CRB1: variants seen among roughly 807,000 people sequenced by gnomAD.
CRB1 encodes crumbs cell polarity complex component 1.
CRB1 carries 83 observed loss-of-function variants against 120.0 expected under a neutral mutation model. The ratio of observed to expected loss-of-function variants is 0.69; its 90% CI spans 0.58 to 0.83. The LOEUF is 0.83. Among genes scored for constraint, CRB1 ranks in the 40% least tolerant of loss-of-function variants. The probability of loss-of-function intolerance (pLI) is 0.00; values close to 1 mark genes in which losing one functional copy is unlikely to be tolerated. For missense variants in CRB1, 1,699 were observed against 1,687.6 expected, an observed-to-expected ratio of 1.01 and a Z score of -0.12; for synonymous variants, 625 against 612.5, an observed-to-expected ratio of 1.02 and a Z score of -0.30.
chr1:197,344,222 A>G (rs1312004513), intron 2 of CRB1, 59 bp from the exon 3 acceptor site: 3 of 1,525,580 alleles, frequency 2.0e-6, no homozygotes, highest in Admixed American at 1.7e-5. Context: ...TCAAATTGCT[A>G]AATTATGAAC....
chr1:197,338,536 T>A (rs1433673667), intron 2 of CRB1, among the ~76,000 whole-genome samples: 1 of 152,156 alleles, frequency 6.6e-6, no homozygotes, highest in East Asian at 1.9e-4. Flanking sequence ...TCAGCCTCCA[T>A]GATATTCTGG....
the CRB1 span, among the ~76,000 whole-genome samples, chr1:197,220,332 A>G: frequency 6.6e-6 from 1 of 152,252 alleles, no homozygotes; most frequent in Non-Finnish European, 1.5e-5. Context: ...AAACAAGTAA[A>G]TAATGAACTT....
the CRB1 span, among the ~76,000 whole-genome samples, chr1:197,261,578 TTATG>T: frequency 6.6e-6 from 1 of 152,186 alleles, no homozygotes; most frequent in African/African-American, 2.4e-5. Flanking sequence ...TATCAATCAT[TTATG>T]TATTTATCAA....
Position 197,273,217 on chromosome 1 carries a change from C to T in CRB1, c.70+4735C>T, listed in dbSNP as rs552612362. On this transcript the variant is annotated intron_variant, in intron 1 of 11. Transcript: ENST00000367400. ...CTGGCCAGGTATTTTATAGATTCTC[C>T]CAATATTGGAGTTAGTTTTGTGTTT... 3.9e-5 allele frequency among the ~76,000 whole-genome samples: 6 copies of T among 152,064 alleles called. No homozygotes were observed. In the South Asian group the frequency reaches 1.2e-3, roughly 32 times the overall value.
Position 197,427,924 on chromosome 1 carries a change from A to T in CRB1, c.2599A>T (p.Asn867Tyr). ...LNNQNLEFFP[N>Y]PTNNASLNPV... ...CAACCAAAATCTGGAATTCTTTCCA[A>T]ATCCAACAAACAATGCATCTCTCAA... Residue 867 changes from asparagine (N) to tyrosine (Y), a missense_variant, in exon 7 of 12, where the codon AAT becomes TAT. Transcript: ENST00000367400. 6.2e-7 allele frequency: 1 copy of T among 1,614,058 alleles called. No homozygotes were observed. The highest frequency in any genetic ancestry group is 1.3e-5 in the African/African-American group (1 of 75,050).
Position 197,290,509 on chromosome 1 carries a change from C to A in CRB1, c.70+22027C>A, listed in dbSNP as rs184126497. Among the ~76,000 whole-genome samples, 10 of 151,644 alleles carry A rather than the reference C, an allele frequency of 6.6e-5. 1 individual carries two copies. The South Asian group carries it at 2.1e-3, about 32-fold the overall frequency. On this transcript the variant is annotated intron_variant, in intron 1 of 11. Transcript: ENST00000367400. Reference sequence around the variant, plus strand: ...AGCTCAGTTTCACATCCCCCCAGCTCCTTTCCATGACCATTAAAAACCAAA... The same window carrying A: ...AGCTCAGTTTCACATCCCCCCAGCTACTTTCCATGACCATTAAAAACCAAA...
intron 11 of CRB1, among the ~76,000 whole-genome samples, chr1:197,451,630 A>AT (rs1461390623): frequency 1.3e-5 from 2 of 152,206 alleles, no homozygotes; most frequent in Admixed American, 1.3e-4. Context: ...CATGTGCTTC[A>AT]TATACACTTA....
At chr1:197,246,966 A>G in the CRB1 span, among the ~76,000 whole-genome samples, 19 of 152,198 alleles carry the variant, frequency 1.2e-4, no homozygotes, top group East Asian at 3.3e-3. Context: ...CAAAACTTAG[A>G]GAAAAATGAA....
intron 5 of CRB1, among the ~76,000 whole-genome samples, chr1:197,374,778 T>C (rs1344979669): frequency 2.0e-5 from 3 of 152,220 alleles, no homozygotes; most frequent in African/African-American, 4.8e-5. Context: ...GATGTCATTG[T>C]TGACTCCATT....
intron 1 of CRB1, among the ~76,000 whole-genome samples, chr1:197,325,122 C>G (rs928246259): frequency 6.6e-6 from 1 of 152,168 alleles, no homozygotes; most frequent in African/African-American, 2.4e-5. Flanking sequence ...CATTATTCAA[C>G]AAATTTCTAT....
chr1:197,213,290 T>A, the CRB1 span, among the ~76,000 whole-genome samples: 5 of 152,332 alleles, frequency 3.3e-5, no homozygotes, highest in East Asian at 9.7e-4. Context: ...GCAGAAGAGC[T>A]ACAAAGTCTG....
chr1:197,278,747 T>C (rs1174224015), intron 1 of CRB1, among the ~76,000 whole-genome samples: 3 of 151,922 alleles, frequency 2.0e-5, no homozygotes, highest in Admixed American at 6.6e-5. Flanking sequence ...TATAAACAAA[T>C]TTCTTTAAAT....
intron 5 of CRB1, among the ~76,000 whole-genome samples, chr1:197,392,276 C>G (rs533083101): frequency 6.6e-6 from 1 of 151,780 alleles, no homozygotes; most frequent in Non-Finnish European, 1.5e-5. Flanking sequence ...CACACACACA[C>G]ATATATATAT....
At chr1:197,444,906 T>TATACAC (rs1652525512) in intron 11 of CRB1, 1 of 147,506 alleles carries the variant, frequency 6.8e-6, no homozygotes, top group Non-Finnish European at 1.5e-5. Flanking sequence ...CAGCCATGCA[T>TATACAC]ACACACACAC....
At chr1:197,352,686 C>CTTTTTTTTTTTTT (rs5779865) in intron 4 of CRB1, among the ~76,000 whole-genome samples, 1 of 137,160 alleles carries the variant, frequency 7.3e-6, no homozygotes, top group Non-Finnish European at 1.6e-5. Context: ...TTTTACTTTC[C>CTTTTTTTTTTTTT]TTTTTTTTTT....
At chr1:197,443,275 T>A (rs550266040) in intron 11 of CRB1, 6 of 152,234 alleles carry the variant, frequency 3.9e-5, no homozygotes, top group African/African-American at 1.4e-4. Context: ...ATCGAGTCCC[T>A]AAATTGTAGA....
chr1:197,342,214 A>T (rs1659506318), intron 2 of CRB1, among the ~76,000 whole-genome samples: 1 of 152,192 alleles, frequency 6.6e-6, no homozygotes, highest in South Asian at 2.1e-4. Context: ...CTGCTTTACA[A>T]CAGAAATTGT....
At chr1:197,257,646 A>C in the CRB1 span, among the ~76,000 whole-genome samples, 2 of 152,160 alleles carry the variant, frequency 1.3e-5, no homozygotes, top group African/African-American at 2.4e-5. Context: ...TCAGTATCCC[A>C]CTGTCTGAAT....
the CRB1 span, among the ~76,000 whole-genome samples, chr1:197,241,766 C>A: frequency 6.7e-6 from 1 of 149,860 alleles, no homozygotes; most frequent in Admixed American, 6.7e-5. Context: ...AGCATTGAAT[C>A]TATGCATTGC....
Sources: allele counts gnomAD v4.1 joint callset (sites outside exome capture counted in the v4.1 genomes callset), GRCh38; gene constraint gnomAD v4.1.1; transcripts MANE v1.5; gene names NCBI Gene and HGNC (gene_info 2026-07-23, HGNC 2026-07-21).